The following MYH8 variants were observed in gnomAD, a reference collection of about 807,000 sequenced individuals.
MYH8 encodes myosin heavy chain 8, also known as myosin-8.
MYH8 carries 168 observed loss-of-function variants against 233.2 expected under a neutral mutation model. The ratio of observed to expected loss-of-function variants is 0.72; its 90% CI spans 0.64 to 0.82. The LOEUF is 0.82. Ranked by LOEUF, MYH8 falls within the 40% of genes least tolerant of loss-of-function variation. The pLI, the probability that MYH8 is intolerant of heterozygous loss-of-function variation, is 0.00. For synonymous variants in MYH8, 785 were observed against 850.6 expected (o/e 0.92, Z 1.34); for missense variants, 1,995 against 2,327.8 (o/e 0.86, Z 2.94).
intron 19 of MYH8, 126 bp downstream of exon 19, chr17:10,406,564 C>G: frequency 1.5e-6 from 2 of 1,348,710 alleles, no homozygotes; most frequent in African/African-American, 1.4e-5. Flanking sequence ...TGTTGCATGC[C>G]TGCTTCCTGT....
intron 17 of MYH8, 46 bp from the exon 18 acceptor site, chr17:10,407,025 G>T: frequency 6.6e-7 from 1 of 1,506,082 alleles, no homozygotes; most frequent in South Asian, 1.1e-5. Flanking sequence ...TTCTATTTCA[G>T]GTTGTTTTTT....
chr17:10,392,816 G>C lies in MYH8; in HGVS notation c.5463+15C>G, dbSNP rs762684408. On this transcript the variant is annotated intron_variant, in intron 37 of 39. Coordinates refer to ENST00000403437, the MANE Select transcript of MYH8 (RefSeq NM_002472.3). ...CTTTTTCCCTTCCCAGATTTAGAGAGATTGAGACACCCACCCTGGCCTCCA... is the reference window on the plus strand; with the variant it reads ...CTTTTTCCCTTCCCAGATTTAGAGACATTGAGACACCCACCCTGGCCTCCA... The C allele has an allele frequency of 7.4e-6, 12 of 1,614,036 alleles. No individual in the cohort carries two copies. Among genetic ancestry groups the C allele is most frequent in the Non-Finnish European group, 1.0e-5 (12 of 1,180,038 alleles).
Position 10,404,483 on chromosome 17 carries a change from A to T in MYH8, c.2535T>A (p.Ser845Arg). The change falls in exon 22 of 40, where the codon AGT becomes AGA. Residue 845 changes from serine to arginine, a missense_variant. Physicochemically the swap from Ser to Arg is moderately radical, Grantham distance 110 (BLOSUM62 -1). Transcript: ENST00000403437. ...LFFKIKPLLK[S>R]AETEKEMATM... is the part of the protein sequence containing the mutation. ...TGGCCATCTCTTTCTCGGTCTCTGCACTCTTGAGGAGGGGCTTAATCTTGA... is the reference window on the plus strand; with the variant it reads ...TGGCCATCTCTTTCTCGGTCTCTGCTCTCTTGAGGAGGGGCTTAATCTTGA... 1 of 1,613,612 alleles carries T rather than the reference A, an allele frequency of 6.2e-7. No homozygotes were observed. The highest frequency in any genetic ancestry group is 1.6e-4 in the Middle Eastern group (1 of 6,062).
In MYH8 at chr17:10,393,088, A is replaced by G. The variant is rs752840291; in HGVS notation, c.5289T>C (p.Thr1763=). The G allele has an allele frequency of 3.1e-6, 5 of 1,614,102 alleles. No homozygotes were observed. The highest frequency in any genetic ancestry group is 1.6e-4 in the Middle Eastern group (1 of 6,084). ...NAEEKAKKAI[T]DAAMMAEELK... is the part of the protein sequence containing the mutation. ...GTAGGCCAAATGTTCATCTTACATCAGTGATGGCCTTCTTGGCTTTCTCTT... is the reference window on the plus strand; with the variant it reads ...GTAGGCCAAATGTTCATCTTACATCGGTGATGGCCTTCTTGGCTTTCTCTT... Residue 1763 remains threonine, a synonymous_variant, in exon 36 of 40, where the codon ACT becomes ACC. Transcript: ENST00000403437.
At position 10,392,942 on chromosome 17, in the gene MYH8, C is replaced by T. The variant is rs775461673; in HGVS notation, c.5352G>A (p.Arg1784=). ...CCGTCTGCTCCAGGTTCTTCTTCAT[C>T]CGCTCCAGGTGGGCGCTGGTGTCCT... is the stretch of plus-strand genomic sequence containing the variant. The part of the protein sequence containing the change: ...KEQDTSAHLE[R]MKKNLEQTVK... Residue 1784 remains arginine (R), a synonymous_variant, in exon 37 of 40, where the codon CGG becomes CGA. Coordinates refer to ENST00000403437, the MANE Select transcript of MYH8 (RefSeq NM_002472.3). 2 of 1,614,234 alleles carry T rather than the reference C, an allele frequency of 1.2e-6. No homozygotes were observed. Among genetic ancestry groups the T allele is most frequent in the Middle Eastern group, 1.6e-4 (1 of 6,062 alleles).
intron 27 of MYH8, among the ~76,000 whole-genome samples, chr17:10,399,939 C>T (rs1036417489): frequency 2.0e-5 from 3 of 152,194 alleles, no homozygotes; most frequent in Admixed American, 6.5e-5. Context: ...CGCGGTGGCT[C>T]ATGCCTGTAA....
rs754693720 is a variant in MYH8 at position 10,395,226 on chromosome 17, T to G, written c.4869A>C (p.Gly1623=). ...DALRVKKKME[G]DLNEMEIQLN... Reference sequence around the variant, plus strand: ...GCTGGATTTCCATTTCATTCAGATCTCCTTCCATTTTCTTCTTGACTCTCA... The same window carrying G: ...GCTGGATTTCCATTTCATTCAGATCGCCTTCCATTTTCTTCTTGACTCTCA... Residue 1623 remains glycine, a synonymous_variant, in exon 34 of 40, where the codon GGA becomes GGC. Coordinates refer to ENST00000403437, the MANE Select transcript of MYH8 (RefSeq NM_002472.3). The G allele has an allele frequency of 1.9e-6, 3 of 1,614,172 alleles. No individual in the cohort carries two copies. Among genetic ancestry groups the G allele is most frequent in the Non-Finnish European group, 2.5e-6 (3 of 1,180,030 alleles).
Position 10,398,449 on chromosome 17 carries a change from C to T in MYH8, c.4173G>A (p.Glu1391=). ...DAIQRTEELE[E]AKKKLAQRLQ... The stretch of plus-strand genomic sequence containing the variant: ...CTAGAGTTCACAGCACATACTTGGC[C>T]TCCTCCAGCTCCTCTGTGCGCTGGA... The change falls in exon 30 of 40, where the codon GAG becomes GAA. Residue 1391 remains glutamate (E), a synonymous_variant. Coordinates refer to ENST00000403437, the MANE Select transcript of MYH8 (RefSeq NM_002472.3). The T allele has an allele frequency of 6.2e-7, 1 of 1,613,986 alleles. No homozygotes were observed.
rs1452408840 is a variant in MYH8 at position 10,415,105 on chromosome 17, C to T, written c.805+11G>A. On this transcript the variant is annotated intron_variant, in intron 9 of 39. Transcript: ENST00000403437. The surrounding 1 kb of genome is among the most constrained non-coding windows in gnomAD (Gnocchi z 4.1). ...CTCTCTGTTTTGATTTTCAATGGTC[C>T]TGTTACTCACATGTTTCTATATCAG... is the stretch of plus-strand genomic sequence containing the variant. 1 of 1,610,034 alleles carries T rather than the reference C, an allele frequency of 6.2e-7. No individual in the cohort carries two copies. Among genetic ancestry groups the T allele is most frequent in the Admixed American group, 1.7e-5 (1 of 60,024 alleles).
rs2072102447 is a variant in MYH8, at chr17:10,398,648, A to C, written c.3982-8T>G. 1 of 1,614,236 alleles carries C rather than the reference A, an allele frequency of 6.2e-7. No individual in the cohort carries two copies. The highest frequency in any genetic ancestry group is 8.5e-7 in the Non-Finnish European group (1 of 1,180,040). On this transcript the variant is annotated splice_region_variant and splice_polypyrimidine_tract_variant and intron_variant, in intron 29 of 39. Transcript: ENST00000403437. ...TGCCAGGGCGTTCTTGGCCTGCAGA[A>C]GTAGCAGTTCAGTGACATAAATTCA...
At chr17:10,404,198 A>G (rs954612664) in intron 22 of MYH8, 132 bp downstream of exon 22, 20 of 1,103,344 alleles carry the variant, frequency 1.8e-5, no homozygotes, top group Middle Eastern at 2.7e-4. Flanking sequence ...TAGAATACTA[A>G]AAGATAAATG....
rs772489265 is a variant in MYH8, at chr17:10,412,361, A to T, written c.1416+9T>A. 2.5e-6 allele frequency: 4 copies of T among 1,614,120 alleles called. No individual in the cohort carries two copies. The highest frequency in any genetic ancestry group is 3.4e-6 in the Non-Finnish European group (4 of 1,179,968). Reference sequence around the variant, plus strand: ...TGCCTCCTTCTTAATTCTTGTTAATATAACTCACATCAAAGATTTCAAAGC... The same window carrying T: ...TGCCTCCTTCTTAATTCTTGTTAATTTAACTCACATCAAAGATTTCAAAGC... On this transcript the variant is annotated intron_variant, in intron 14 of 39. Transcript: ENST00000403437.
chr17:10,407,130 C>T, intron 17 of MYH8, 151 bp from the exon 18 acceptor site: 1 of 694,492 alleles, frequency 1.4e-6, no homozygotes, highest in Non-Finnish European at 2.5e-6. Context: ...CTCAAGAGTT[C>T]TAGCCTGCCA....
intron 19 of MYH8, 50 bp downstream of exon 19, chr17:10,406,640 T>A (rs1348277298): frequency 2.6e-6 from 4 of 1,521,516 alleles, no homozygotes; most frequent in Middle Eastern, 2.1e-4. Context: ...CTTAATTTTT[T>A]AATACATACT....
intron 14 of MYH8, among the ~76,000 whole-genome samples, chr17:10,411,806 T>C (rs1018554015): frequency 1.3e-5 from 2 of 152,194 alleles, no homozygotes; most frequent in African/African-American, 4.8e-5. Context: ...GGACCTGATA[T>C]AGTATAGCAG....
rs1165831917 is a variant in MYH8 at position 10,419,384 on chromosome 17, G to A, written c.211-354C>T. Among the ~76,000 whole-genome samples the A allele has an allele frequency of 6.6e-6, 1 of 152,126 alleles. No homozygotes were observed. The highest frequency in any genetic ancestry group is 1.5e-5 in the Non-Finnish European group (1 of 68,018). ...AGACCAGTTCGTTTTAATGGTTGGA[G>A]GTAGGGTTTATGTTTGCCTGTATAT... On this transcript the variant is annotated intron_variant, in intron 3 of 39. Coordinates refer to ENST00000403437, the MANE Select transcript of MYH8 (RefSeq NM_002472.3). This position sits in a 1 kb window ranked among gnomAD's most constrained non-coding sequence, Gnocchi z 4.0.
Position 10,396,993 on chromosome 17 carries a change from A to G in MYH8, c.4179-7T>C. On this transcript the variant is annotated splice_polypyrimidine_tract_variant and splice_region_variant and intron_variant, in intron 30 of 39. Coordinates refer to ENST00000403437, the MANE Select transcript of MYH8 (RefSeq NM_002472.3). The surrounding 1 kb of genome is among the most constrained non-coding windows in gnomAD (Gnocchi z 4.2). ...GCGCTGGGCCAACTTTTTCCTGAAA[A>G]GTTAGCCAGGCAGTCAGGAGAATGG... is the stretch of plus-strand genomic sequence containing the variant. The G allele has an allele frequency of 6.2e-7, 1 of 1,614,178 alleles. No homozygotes were observed.
At chr17:10,399,882 T>C (rs1597398943) in intron 27 of MYH8, among the ~76,000 whole-genome samples, 1 of 152,322 alleles carries the variant, frequency 6.6e-6, no homozygotes, top group Non-Finnish European at 1.5e-5. Context: ...TCCAATGATA[T>C]TGACGCTTGC....
At chr17:10,414,638 C>T (rs901164871) in intron 9 of MYH8, among the ~76,000 whole-genome samples, 154 bp from the exon 10 acceptor site, 7 of 152,196 alleles carry the variant, frequency 4.6e-5, no homozygotes, top group Non-Finnish European at 7.3e-5. Flanking sequence ...GTGATTCTCA[C>T]TGTCTAAGGG....
Sources: gnomAD v4.1 joint callset for allele counts (sites outside exome capture counted in the v4.1 genomes callset) on GRCh38, gnomAD v4.1.1 for gene constraint, Gnocchi (gnomAD v3.1) non-coding constraint, MANE v1.5 for transcripts, NCBI Gene and HGNC (gene_info 2026-07-23, HGNC 2026-07-21) for gene names.